RGS3: variants seen among roughly 807,000 people sequenced by gnomAD.
RGS3 encodes the protein regulator of G-protein signalling 3.
In RGS3, 80 loss-of-function variants were observed where a neutral mutation model predicts 132.6. That is an observed-to-expected ratio of 0.60 (90% CI 0.50 to 0.73). The LOEUF (loss-of-function observed/expected upper bound fraction) is 0.73, where lower values mean the gene tolerates loss of function less well. Among genes scored for constraint, RGS3 ranks in the 30% least tolerant of loss-of-function variants. RGS3 has a pLI of 0.00. For synonymous variants in RGS3, 598 were observed against 620.6 expected (o/e 0.96, Z 0.54); for missense variants, 1,382 against 1,530.8 (o/e 0.90, Z 1.62).
At chr9:113,515,148 G>A (rs1831591290) in intron 15 of RGS3, among the ~76,000 whole-genome samples, 1 of 152,136 alleles carries the variant, frequency 6.6e-6, no homozygotes, top group Non-Finnish European at 1.5e-5. Context: ...GTCAAACAAA[G>A]TGCTTGAAGA....
Position 113,536,803 on chromosome 9 carries a change from A to G in RGS3, c.1922A>G (p.Glu641Gly), listed in dbSNP as rs186315150. The change falls in exon 19 of 25, where the codon GAG (glutamate) becomes GGG (glycine). Residue 641 changes from glutamate (E) to glycine (G), a missense_variant. Coordinates refer to ENST00000350696, the Ensembl canonical transcript of RGS3. ...TATTTTCCCTGACGTCAGAAGGCAG[A>G]GTGCTTATTCACTTTGGAAGCGCAC... 5.6e-6 allele frequency: 9 copies of G among 1,613,766 alleles called. No homozygotes were observed. The African/African-American group carries it at 1.1e-4, about 19-fold the overall frequency.
At chr9:113,460,179 GT>G, upstream of RGS3, 1 of 1,189,094 alleles carries the variant, frequency 8.4e-7, no homozygotes, top group Non-Finnish European at 1.1e-6. Flanking sequence ...TATTGTTGAA[GT>G]TTATTTTTTT....
At chr9:113,458,951 A>G (rs573991678), upstream of RGS3, among the ~76,000 whole-genome samples, 134 of 152,314 alleles carry the variant, frequency 8.8e-4, no homozygotes, top group Non-Finnish European at 1.4e-3. Context: ...GGGTTTCACC[A>G]TATTGATCAG....
intron 8 of RGS3, 83 bp downstream of exon 6, chr9:113,495,929 G>T: frequency 8.1e-7 from 1 of 1,234,530 alleles, no homozygotes; most frequent in Non-Finnish European, 1.2e-6. Flanking sequence ...CAGCTCTTGG[G>T]CAGGGCTTCT....
intron 19 of RGS3, among the ~76,000 whole-genome samples, chr9:113,561,891 T>C (rs925014664): frequency 1.3e-5 from 2 of 152,182 alleles, no homozygotes; most frequent in Non-Finnish European, 2.9e-5. Flanking sequence ...TGGGCTCTGC[T>C]TGGGGGTACT....
chr9:113,583,260 A>G, intron 19 of RGS3, 190 bp from the exon 18 acceptor site: 2 of 1,037,252 alleles, frequency 1.9e-6, no homozygotes, highest in Non-Finnish European at 2.7e-6. Context: ...AAGTTCAAGC[A>G]AGAAGACAGG....
intron 4 of RGS3, among the ~76,000 whole-genome samples, chr9:113,479,775 A>G (rs912607686): frequency 1.3e-5 from 2 of 152,196 alleles, no homozygotes; most frequent in African/African-American, 4.8e-5. Context: ...TCTCATTGAC[A>G]GGCTACAGCT....
At chr9:113,594,229 G>A (rs1443261843) in intron 21 of RGS3, 2 of 1,612,670 alleles carry the variant, frequency 1.2e-6, no homozygotes, top group African/African-American at 2.7e-5. Context: ...CCAGAGTGGT[G>A]CCTCCTACAG....
At position 113,591,314 on chromosome 9, in the gene RGS3, G is replaced by A. The variant is rs996331854; in HGVS notation, c.3016-19G>A. On this transcript the variant is annotated intron_variant, in intron 20 of 24. Coordinates refer to ENST00000350696, the Ensembl canonical transcript of RGS3. This position sits in a 1 kb window ranked among gnomAD's most constrained non-coding sequence, Gnocchi z 4.4. Reference sequence around the variant, plus strand: ...TTCCTGGGTGCCCAGACTGCATCGTGTCTGTCTTCTCTCCGCAGATGAGCG... The same window carrying A: ...TTCCTGGGTGCCCAGACTGCATCGTATCTGTCTTCTCTCCGCAGATGAGCG... 2.5e-6 allele frequency: 4 copies of A among 1,612,238 alleles called. No individual in the cohort carries two copies. The African/African-American group carries it at 5.3e-5, about 22-fold the overall frequency.
At chr9:113,543,558 A>G (rs1488812257) in intron 19 of RGS3, among the ~76,000 whole-genome samples, 1 of 152,248 alleles carries the variant, frequency 6.6e-6, no homozygotes, top group Non-Finnish European at 1.5e-5. Context: ...CTGGGTCTGC[A>G]CAGACAGCAA....
chr9:113,489,413 C>T (rs1317765710), intron 7 of RGS3, among the ~76,000 whole-genome samples: 7 of 152,184 alleles, frequency 4.6e-5, no homozygotes, highest in South Asian at 2.1e-4. Context: ...AGCTACATTA[C>T]GGTACACTTG....
At chr9:113,536,952 C>A in intron 19 of RGS3, 34 bp downstream of exon 17, 1 of 1,595,790 alleles carries the variant, frequency 6.3e-7, no homozygotes, top group Non-Finnish European at 8.6e-7. Flanking sequence ...GGCCTGGCTG[C>A]CTCGTTTCCC....
At chr9:113,491,771 C>A (rs1048747532) in intron 7 of RGS3, among the ~76,000 whole-genome samples, 1 of 152,198 alleles carries the variant, frequency 6.6e-6, no homozygotes, top group Non-Finnish European at 1.5e-5. Flanking sequence ...CCAGACTGAT[C>A]TCAAACTCCT....
chr9:113,484,289 A>C (rs925062126), intron 6 of RGS3, 57 bp downstream of exon 4: 3 of 865,944 alleles, frequency 3.5e-6, no homozygotes, highest in Non-Finnish European at 3.8e-6. Context: ...GTTTATCTGG[A>C]AACAGCTCTG....
intron 5 of RGS3, 45 bp downstream of exon 3, chr9:113,483,162 A>C: frequency 7.1e-7 from 1 of 1,401,782 alleles, no homozygotes; most frequent in Non-Finnish European, 1.0e-6. Flanking sequence ...TTGAGGGGCC[A>C]TGTTACTGGG....
At chr9:113,501,087 AC>A (rs1196391577) in intron 10 of RGS3, among the ~76,000 whole-genome samples, 1 of 151,640 alleles carries the variant, frequency 6.6e-6, no homozygotes, top group Non-Finnish European at 1.5e-5. Flanking sequence ...GTGAGTGCAA[AC>A]CCCCCCAAGG....
chr9:113,583,934 C>A (rs1211106390), exon 20 of RGS3: 2 of 1,614,102 alleles, frequency 1.2e-6, no homozygotes, highest in African/African-American at 1.3e-5. Context: ...GACCTACTAG[C>A]AGCTACTGGG....
chr9:113,539,257 G>A (rs1832803902), intron 19 of RGS3, among the ~76,000 whole-genome samples: 1 of 152,204 alleles, frequency 6.6e-6, no homozygotes, highest in Admixed American at 6.5e-5. Flanking sequence ...AGAAGAGGAA[G>A]GGCCAAACGG....
rs190601182 is a variant in RGS3 at position 113,495,637 on chromosome 9, C to T, written c.690-149C>T. On this transcript the variant is annotated intron_variant, in intron 7 of 24. Coordinates refer to ENST00000350696, the Ensembl canonical transcript of RGS3. ...ATAATAGCTCCTCTCTATCCTGCCT[C>T]ACAGAGTCAGAAGGATCAAACGAGA... 163 of 701,332 alleles carry T rather than the reference C, an allele frequency of 2.3e-4. 1 individual carries two copies. The highest frequency in any genetic ancestry group is 1.6e-3 in the African/African-American group (90 of 57,240). The allele number at this position is 701,332 out of a possible 1,614,324, so 43.4% of individuals were successfully genotyped here. A position where few individuals can be genotyped will look rare whatever the true frequency, so the allele number is the denominator to read the frequency against.
Sources: gnomAD v4.1 joint callset for allele counts (sites outside exome capture counted in the v4.1 genomes callset) on GRCh38, gnomAD v4.1.1 for gene constraint, Gnocchi (gnomAD v3.1) non-coding constraint, MANE v1.5 for transcripts, NCBI Gene and HGNC (gene_info 2026-07-23, HGNC 2026-07-21) for gene names.